Variants in SREK1IP1 observed in about 807,000 individuals in gnomAD.
The protein encoded by SREK1IP1 is protein SREK1IP1.
Under a neutral mutation model 22.8 loss-of-function variants are expected in SREK1IP1, and 12 were observed. The ratio of observed to expected loss-of-function variants is 0.53; its 90% CI spans 0.34 to 0.85. SREK1IP1 has a LOEUF of 0.85. SREK1IP1 is among the 40% of genes least tolerant of loss of function. The probability of loss-of-function intolerance (pLI) is 0.02; values close to 1 mark genes in which losing one functional copy is unlikely to be tolerated. For synonymous variants in SREK1IP1, 53 were observed against 52.7 expected, an observed-to-expected ratio of 1.01 and a Z score of -0.02; for missense variants, 147 against 171.8, an observed-to-expected ratio of 0.86 and a Z score of 0.81.
intron 1 of SREK1IP1, among the ~76,000 whole-genome samples, chr5:64,757,592 A>C (rs1742864736): frequency 6.6e-6 from 1 of 152,206 alleles, no homozygotes; most frequent in East Asian, 1.9e-4. Flanking sequence ...ATACACAAGC[A>C]CATACATCTC....
chr5:64,741,276 TCACGGTAACCAGTAAGTTA>T (rs1212879331), intron 2 of SREK1IP1, 76 bp from the exon 3 acceptor site: 6 of 1,343,264 alleles, frequency 4.5e-6, no homozygotes, highest in Non-Finnish European at 5.2e-6. Context: ...TTTTGCTGCC[TCACGGTAACCAGTAAGTTA>T]CAATTTCAAT....
intron 1 of SREK1IP1, among the ~76,000 whole-genome samples, chr5:64,766,008 C>T (rs1353486570): frequency 1.2e-4 from 19 of 152,218 alleles, no homozygotes; most frequent in Admixed American, 1.2e-3. Context: ...AGGCAATCTA[C>T]TGTGTAGGTT....
chr5:64,733,311 T>C (rs548255800), intron 3 of SREK1IP1, among the ~76,000 whole-genome samples: 44 of 152,202 alleles, frequency 2.9e-4, no homozygotes, highest in Admixed American at 3.9e-4. Context: ...GTGTCTAGAA[T>C]GGTATAAAGA....
intron 3 of SREK1IP1, among the ~76,000 whole-genome samples, chr5:64,732,877 C>A (rs1299522037): frequency 4.7e-5 from 7 of 150,260 alleles, no homozygotes; most frequent in Non-Finnish European, 8.9e-5. Context: ...ACAGAGAATC[C>A]AGAAACAAGC....
At chr5:64,737,165 T>C (rs923436485) in intron 3 of SREK1IP1, among the ~76,000 whole-genome samples, 43 of 152,034 alleles carry the variant, frequency 2.8e-4, no homozygotes, top group African/African-American at 9.7e-4. Flanking sequence ...CAGAACATTC[T>C]CCAGAACAGA....
chr5:64,749,828 T>C (rs1165086823), intron 2 of SREK1IP1, among the ~76,000 whole-genome samples: 1 of 152,170 alleles, frequency 6.6e-6, no homozygotes, highest in Middle Eastern at 3.2e-3. Flanking sequence ...TCTTTTTCGA[T>C]AGATTCTTAA....
At position 64,722,589 on chromosome 5, in the gene SREK1IP1, T is replaced by C. The variant is rs952221747; in HGVS notation, c.*1795A>G. ...ATATTAAAAACCGATTTTTAAAATC[T>C]TGATAATCGAAGAATATTTTCAAAA... is the stretch of plus-strand genomic sequence containing the variant. On this transcript the variant is annotated 3_prime_UTR_variant, in exon 5 of 5. Transcript: ENST00000513458. The C allele has an allele frequency of 6.6e-6, 1 of 152,248 alleles. No homozygotes were observed. The highest frequency in any genetic ancestry group is 2.4e-5 in the African/African-American group (1 of 41,472). 9.4% of individuals were successfully genotyped at this position (152,248 alleles called of 1,614,324 possible).
rs202059503 is a variant in SREK1IP1, at chr5:64,718,962, GT to G, written c.*5421del. ...AAATGTGCTGAATACAGCTTCTCTG[GT>G]CTGATATATAAAAAAGAATACCTTA... is the stretch of plus-strand genomic sequence containing the variant. On this transcript the variant is annotated 3_prime_UTR_variant, in exon 5 of 5. Transcript: ENST00000513458. 1.3e-5 allele frequency: 2 copies of G among 152,140 alleles called. No homozygotes were observed. The highest frequency in any genetic ancestry group is 3.8e-4 in the East Asian group (2 of 5,196). 9.4% of individuals were successfully genotyped at this position (152,140 alleles called of 1,614,324 possible).
chr5:64,747,668 C>G (rs752032162), intron 2 of SREK1IP1, among the ~76,000 whole-genome samples: 4 of 152,098 alleles, frequency 2.6e-5, no homozygotes, highest in Non-Finnish European at 5.9e-5. Context: ...GTGGCTCACG[C>G]CTGTAATCCC....
intron 2 of SREK1IP1, among the ~76,000 whole-genome samples, chr5:64,746,020 T>C (rs935163038): frequency 1.3e-5 from 2 of 152,174 alleles, no homozygotes; most frequent in Admixed American, 1.3e-4. Flanking sequence ...GGCATAAGAA[T>C]AGACACACAG....
At chr5:64,736,143 C>T (rs1259895412) in intron 3 of SREK1IP1, among the ~76,000 whole-genome samples, 1 of 151,968 alleles carries the variant, frequency 6.6e-6, no homozygotes, top group Admixed American at 6.6e-5. Context: ...AAATTATAAA[C>T]ATTTGGGCAT....
chr5:64,766,921 G>T (rs1258312450), intron 1 of SREK1IP1, among the ~76,000 whole-genome samples: 1 of 152,110 alleles, frequency 6.6e-6, no homozygotes, highest in African/African-American at 2.4e-5. Context: ...GTCAATATTA[G>T]CTACAGTTAC....
intron 3 of SREK1IP1, among the ~76,000 whole-genome samples, chr5:64,728,922 G>A (rs574318963): frequency 6.4e-4 from 98 of 152,238 alleles, no homozygotes; most frequent in South Asian, 6.2e-4. Context: ...GGCTGGGCGC[G>A]GTGGCTCATG....
intron 1 of SREK1IP1, among the ~76,000 whole-genome samples, chr5:64,766,097 A>C (rs1475799707): frequency 1.3e-5 from 2 of 152,316 alleles, no homozygotes; most frequent in Admixed American, 1.3e-4. Context: ...ACACCATCTA[A>C]GCAGAGTGCT....
chr5:64,747,586 A>G (rs1342170711), intron 2 of SREK1IP1, among the ~76,000 whole-genome samples: 2 of 152,196 alleles, frequency 1.3e-5, no homozygotes, highest in Middle Eastern at 3.2e-3. Context: ...GAGCCCTTGT[A>G]TATTTCTAGT....
chr5:64,742,589 C>A (rs1742569522), intron 2 of SREK1IP1, among the ~76,000 whole-genome samples: 1 of 152,148 alleles, frequency 6.6e-6, no homozygotes, highest in South Asian at 2.1e-4. Context: ...TGGGTGAAGT[C>A]CTTTGGGAGT....
chr5:64,752,144 G>GTTTTTTTTTTTTTTTTTTT (rs755420855), intron 2 of SREK1IP1, among the ~76,000 whole-genome samples: 4 of 85,474 alleles, frequency 4.7e-5, no homozygotes, highest in Non-Finnish European at 6.6e-5. Context: ...TTTTTTTTGT[G>GTTTTTTTTTTTTTTTTTTT]TGTTTTTTTT....
rs1475295610 is a variant in SREK1IP1, at chr5:64,722,370, TTAAC to T, written c.*2010_*2013del. ...TAACAGTAATAAAACTTACAAGTAA[TTAAC>T]TATTTCACTACAATTACTATCATTT... On this transcript the variant is annotated 3_prime_UTR_variant, in exon 5 of 5. Transcript: ENST00000513458. The T allele has an allele frequency of 1.3e-5, 2 of 152,206 alleles. No homozygotes were observed. Among genetic ancestry groups the T allele is most frequent in the African/African-American group, 2.4e-5 (1 of 41,456 alleles). 9.4% of individuals were successfully genotyped at this position (152,206 alleles called of 1,614,324 possible).
chr5:64,735,317 A>G (rs1742443345), intron 3 of SREK1IP1, among the ~76,000 whole-genome samples: 3 of 152,066 alleles, frequency 2.0e-5, no homozygotes. Flanking sequence ...TTACATCTGT[A>G]TTAATAAGTC....
Sources: gnomAD v4.1 joint callset for allele counts (sites outside exome capture counted in the v4.1 genomes callset) on GRCh38, gnomAD v4.1.1 for gene constraint, MANE v1.5 for transcripts, NCBI Gene and HGNC (gene_info 2026-07-23, HGNC 2026-07-21) for gene names.